Variants in ZNF536 observed in about 807,000 individuals in gnomAD.
ZNF536 encodes zinc finger protein 536.
ZNF536 carries 13 observed loss-of-function variants against 84.5 expected under a neutral mutation model. The observed-to-expected ratio is 0.15, with a 90% CI of 0.10 to 0.24. The LOEUF (loss-of-function observed/expected upper bound fraction) is 0.24. Among genes scored for constraint, ZNF536 ranks in the 10% least tolerant of loss-of-function variants. ZNF536 has a pLI of 1.00. For missense variants in ZNF536, 1,536 were observed against 1,747.5 expected (o/e 0.88, Z 2.16); for synonymous variants, 811 against 742.5 (o/e 1.09, Z -1.50).
intron 2 of ZNF536, among the ~76,000 whole-genome samples, chr19:30,312,910 A>G (rs915144907): frequency 5.9e-5 from 9 of 152,256 alleles, no homozygotes; most frequent in African/African-American, 1.9e-4. Context: ...CAAAATGGGT[A>G]CAGTAGCATT....
intron 2 of ZNF536, among the ~76,000 whole-genome samples, chr19:30,289,205 C>G (rs1321952286): frequency 6.6e-6 from 1 of 152,114 alleles, no homozygotes; most frequent in East Asian, 1.9e-4. Flanking sequence ...TGTGGTTTTT[C>G]TCCTCCACCC....
chr19:30,551,136 T>G (rs1221061245), intron 4 of ZNF536, among the ~76,000 whole-genome samples: 1 of 151,912 alleles, frequency 6.6e-6, no homozygotes, highest in Admixed American at 6.5e-5. Flanking sequence ...AGAGTCTTTT[T>G]TTTTTTTAAG....
chr19:30,410,789 T>C (rs2147692298), intron 1 of ZNF536, among the ~76,000 whole-genome samples: 1 of 152,230 alleles, frequency 6.6e-6, no homozygotes, highest in Admixed American at 6.5e-5. Flanking sequence ...AGTGAAGGTC[T>C]TTTTAAAATC....
intron 1 of ZNF536, among the ~76,000 whole-genome samples, chr19:30,664,433 C>T (rs189831603): frequency 6.6e-6 from 1 of 152,196 alleles, no homozygotes; most frequent in Non-Finnish European, 1.5e-5. Flanking sequence ...TGCTGGAGGG[C>T]GGGGTGGATG....
At chr19:30,420,324 A>G (rs534877640) in intron 1 of ZNF536, among the ~76,000 whole-genome samples, 1 of 152,270 alleles carries the variant, frequency 6.6e-6, no homozygotes, top group Non-Finnish European at 1.5e-5. Context: ...CACAAGACCA[A>G]CTTCCTTATA....
intron 2 of ZNF536, among the ~76,000 whole-genome samples, chr19:30,343,607 G>A (rs2047634430): frequency 6.6e-6 from 1 of 152,158 alleles, no homozygotes; most frequent in African/African-American, 2.4e-5. Context: ...TCCACGCAGT[G>A]AAATTAAAAG....
At chr19:30,472,134 G>A (rs1320058427) in intron 2 of ZNF536, among the ~76,000 whole-genome samples, 1 of 152,208 alleles carries the variant, frequency 6.6e-6, no homozygotes, top group Admixed American at 6.5e-5. Context: ...GTAGGGAGAA[G>A]AGTGTACAGC....
chr19:30,421,184 A>G (rs1019966397), intron 1 of ZNF536, among the ~76,000 whole-genome samples: 2 of 152,150 alleles, frequency 1.3e-5, no homozygotes, highest in African/African-American at 4.8e-5. Flanking sequence ...CAGAGAAGGG[A>G]GAAGTCGGTA....
chr19:30,397,840 A>C (rs992109522), intron 1 of ZNF536, among the ~76,000 whole-genome samples: 4 of 152,194 alleles, frequency 2.6e-5, no homozygotes, highest in Admixed American at 2.6e-4. Flanking sequence ...TAGGCATGAG[A>C]GAGATAGAAG....
intron 3 of ZNF536, among the ~76,000 whole-genome samples, chr19:30,362,074 G>A (rs570567810): frequency 4.6e-5 from 7 of 152,288 alleles, no homozygotes; most frequent in African/African-American, 7.2e-5. Context: ...AGTGGGGCAC[G>A]GGCAGTTGAG....
At chr19:30,435,468 A>C (rs1264970756) in intron 1 of ZNF536, among the ~76,000 whole-genome samples, 4 of 145,378 alleles carry the variant, frequency 2.8e-5, no homozygotes, top group Non-Finnish European at 6.0e-5. Context: ...TGGTAGTGAT[A>C]CTGCTGCTGC....
chr19:30,294,599 A>G (rs2145846347), intron 2 of ZNF536, among the ~76,000 whole-genome samples: 1 of 150,998 alleles, frequency 6.6e-6, no homozygotes, highest in South Asian at 2.1e-4. Context: ...GTATTTAAAC[A>G]TGACTTCAAT....
intron 1 of ZNF536, among the ~76,000 whole-genome samples, chr19:30,252,219 G>A (rs983208970): frequency 4.6e-5 from 7 of 152,172 alleles, no homozygotes; most frequent in Non-Finnish European, 1.0e-4. Flanking sequence ...AATGATTAGG[G>A]AAATGCAAAT....
chr19:30,620,589 C>T (rs1373783540), intron 1 of ZNF536, among the ~76,000 whole-genome samples: 2 of 152,134 alleles, frequency 1.3e-5, no homozygotes, highest in Admixed American at 6.5e-5. Context: ...TCCTGGGCCA[C>T]TGTGCAGAGT....
chr19:30,506,502 C>T (rs1406731298), intron 2 of ZNF536, among the ~76,000 whole-genome samples: 1 of 152,176 alleles, frequency 6.6e-6, no homozygotes, highest in Admixed American at 6.5e-5. Flanking sequence ...TTTTAGGTCC[C>T]TTAACAGAGA....
intron 2 of ZNF536, among the ~76,000 whole-genome samples, chr19:30,463,124 T>C (rs916528704): frequency 1.3e-5 from 2 of 152,148 alleles, no homozygotes; most frequent in African/African-American, 4.8e-5. Flanking sequence ...TCTGTATGCA[T>C]TTGCCTGTGT....
At chr19:30,459,306 C>A (rs1396537641) in intron 2 of ZNF536, among the ~76,000 whole-genome samples, 1 of 127,280 alleles carries the variant, frequency 7.9e-6, no homozygotes, top group Non-Finnish European at 1.7e-5. Flanking sequence ...TTCTTTCTTT[C>A]TTTTCCTTTC....
intron 2 of ZNF536, among the ~76,000 whole-genome samples, chr19:30,341,167 T>C: frequency 6.6e-6 from 1 of 152,258 alleles, no homozygotes; most frequent in East Asian, 1.9e-4. Context: ...ACCATTCTGA[T>C]GCATCATACT....
intron 2 of ZNF536, among the ~76,000 whole-genome samples, chr19:30,532,175 G>C (rs1296342027): frequency 6.6e-6 from 1 of 151,828 alleles, no homozygotes; most frequent in South Asian, 2.1e-4. Context: ...TGTTGCCCAG[G>C]CTGGAGTATG....
Sources: gnomAD v4.1 joint callset for allele counts (sites outside exome capture counted in the v4.1 genomes callset) on GRCh38, gnomAD v4.1.1 for gene constraint, MANE v1.5 for transcripts, NCBI Gene and HGNC (gene_info 2026-07-23, HGNC 2026-07-21) for gene names.